The following SPOCK1 variants were observed in gnomAD, a reference collection of about 807,000 sequenced individuals.
The protein encoded by SPOCK1 is testican-1.
Under a neutral mutation model 55.3 loss-of-function variants are expected in SPOCK1, and 23 were observed. The observed-to-expected ratio is 0.42, with a 90% CI of 0.30 to 0.59. The LOEUF (loss-of-function observed/expected upper bound fraction) is 0.59. SPOCK1 is among the 20% of genes least tolerant of loss of function. SPOCK1 has a pLI of 0.22. For synonymous variants in SPOCK1, 226 were observed against 221.0 expected (o/e 1.02, Z -0.20); for missense variants, 499 against 552.5 (o/e 0.90, Z 0.97).
At chr5:137,358,518 G>C (rs1487930414) in intron 2 of SPOCK1, among the ~76,000 whole-genome samples, 3 of 149,536 alleles carry the variant, frequency 2.0e-5, no homozygotes, top group African/African-American at 7.4e-5. Context: ...GAAGGGAGGA[G>C]GTGGAGGAGT....
intron 2 of SPOCK1, among the ~76,000 whole-genome samples, chr5:137,366,434 T>C (rs1405771102): frequency 6.6e-6 from 1 of 152,214 alleles, no homozygotes; most frequent in African/African-American, 2.4e-5. Flanking sequence ...GCAAGTGTTA[T>C]CTTCATTTTT....
At chr5:137,203,360 G>C (rs1213600915) in intron 3 of SPOCK1, among the ~76,000 whole-genome samples, 1 of 152,016 alleles carries the variant, frequency 6.6e-6, no homozygotes, top group East Asian at 1.9e-4. Context: ...GTTCACGAGA[G>C]CTTCAGCATC....
intron 2 of SPOCK1, among the ~76,000 whole-genome samples, chr5:137,414,755 G>A (rs556463484): frequency 3.9e-5 from 6 of 152,136 alleles, no homozygotes; most frequent in African/African-American, 1.4e-4. Context: ...GTTTCTGGAA[G>A]GTATTAAAAA....
chr5:137,114,367 C>A (rs1753538631), intron 4 of SPOCK1, among the ~76,000 whole-genome samples: 1 of 152,166 alleles, frequency 6.6e-6, no homozygotes, highest in Admixed American at 6.5e-5. Flanking sequence ...ATGTGTCTCT[C>A]TTCTTTAGCC....
intron 2 of SPOCK1, among the ~76,000 whole-genome samples, chr5:137,339,841 G>T (rs1001178972): frequency 1.3e-5 from 2 of 152,138 alleles, no homozygotes; most frequent in Non-Finnish European, 2.9e-5. Context: ...AAGTGGCTGG[G>T]CCTGAAAGCA....
At chr5:137,322,550 G>GTA (rs1757999242) in intron 2 of SPOCK1, among the ~76,000 whole-genome samples, 1 of 152,108 alleles carries the variant, frequency 6.6e-6, no homozygotes, top group Admixed American at 6.6e-5. Context: ...ACAAAACAGA[G>GTA]GGGAGAAGTC....
chr5:136,976,837 G>A lies in SPOCK1; in HGVS notation c.*1817C>T, dbSNP rs1033948533. On this transcript the variant is annotated 3_prime_UTR_variant, in exon 11 of 11. Transcript: ENST00000394945. ...ATTTCTTATCTAAGACCAACTATAG[G>A]TATGATGCTACTGTATTCAGGCAAT... is the stretch of plus-strand genomic sequence containing the variant. The A allele has an allele frequency of 5.3e-5, 8 of 152,210 alleles. No homozygotes were observed. Among genetic ancestry groups the A allele is most frequent in the African/African-American group, 1.9e-4 (8 of 41,456 alleles). 9.4% of individuals were successfully genotyped at this position (152,210 alleles called of 1,614,324 possible). A position where few individuals can be genotyped will look rare whatever the true frequency, so the allele number is the denominator to read the frequency against.
chr5:137,022,037 A>G (rs571846712), intron 6 of SPOCK1, among the ~76,000 whole-genome samples: 1 of 152,270 alleles, frequency 6.6e-6, no homozygotes, highest in African/African-American at 2.4e-5. Flanking sequence ...GAGAGATGGC[A>G]TCTCTCTGTC....
intron 6 of SPOCK1, among the ~76,000 whole-genome samples, chr5:136,998,167 T>C (rs1244368788): frequency 1.3e-5 from 2 of 152,188 alleles, no homozygotes; most frequent in African/African-American, 2.4e-5. Context: ...GTTAGAATTG[T>C]ATTGTTGTGC....
intron 2 of SPOCK1, among the ~76,000 whole-genome samples, chr5:137,373,341 A>G (rs1333722434): frequency 6.6e-6 from 1 of 152,208 alleles, no homozygotes; most frequent in African/African-American, 2.4e-5. Context: ...GAGAATACCT[A>G]GAGTTTAAAA....
rs533881127 is a variant in SPOCK1 at position 137,274,324 on chromosome 5, T to C, written c.187-7269A>G. On this transcript the variant is annotated intron_variant, in intron 2 of 10. Transcript: ENST00000394945. ...ACCAAGGAGTTAAAGTCAGAGAAGA[T>C]ACTGTAAACATGGCAGGCTTTGAAG... Among the ~76,000 whole-genome samples the C allele has an allele frequency of 2.7e-4, 41 of 152,342 alleles. 1 individual carries two copies. In the South Asian group the frequency reaches 8.1e-3, roughly 30 times the overall value.
At chr5:137,058,621 A>T (rs1423114735) in intron 6 of SPOCK1, among the ~76,000 whole-genome samples, 1 of 152,242 alleles carries the variant, frequency 6.6e-6, no homozygotes, top group East Asian at 1.9e-4. Context: ...CAATAAAGAA[A>T]AAAGGTAAGC....
At chr5:137,169,818 C>G (rs1754715257) in intron 3 of SPOCK1, among the ~76,000 whole-genome samples, 1 of 152,184 alleles carries the variant, frequency 6.6e-6, no homozygotes, top group African/African-American at 2.4e-5. Context: ...GAGCATGTGG[C>G]TAGGACACAG....
At chr5:137,477,334 G>A (rs914035111) in intron 2 of SPOCK1, among the ~76,000 whole-genome samples, 2 of 152,198 alleles carry the variant, frequency 1.3e-5, no homozygotes, top group African/African-American at 4.8e-5. Flanking sequence ...TTCTCAAAAA[G>A]TGAGGCTTTA....
At chr5:137,459,584 C>T (rs375710323) in intron 2 of SPOCK1, among the ~76,000 whole-genome samples, 7 of 152,006 alleles carry the variant, frequency 4.6e-5, no homozygotes, top group South Asian at 2.1e-4. Flanking sequence ...TCCATCTTTC[C>T]GGACTATTTC....
chr5:136,978,584 A>C lies in SPOCK1; in HGVS notation c.*70T>G. 6.6e-7 allele frequency: 1 copy of C among 1,512,386 alleles called. No individual in the cohort carries two copies. Among genetic ancestry groups the C allele is most frequent in the Non-Finnish European group, 8.9e-7 (1 of 1,122,434 alleles). The allele number at this position is 1,512,386 out of a possible 1,614,324, so 93.7% of individuals were successfully genotyped here. A position where few individuals can be genotyped will look rare whatever the true frequency, so the allele number is the denominator to read the frequency against. ...AGAGACCTTGGTGCCTTGGAGTCTT[A>C]GATACAAATGCAGGAATAGGAAGTG... On this transcript the variant is annotated 3_prime_UTR_variant, in exon 11 of 11. Coordinates refer to ENST00000394945, the MANE Select transcript of SPOCK1 (RefSeq NM_004598.4).
Position 137,193,877 on chromosome 5 carries a change from G to A in SPOCK1, c.233-53183C>T, listed in dbSNP as rs193223825. On this transcript the variant is annotated intron_variant, in intron 3 of 10. Coordinates refer to ENST00000394945, the MANE Select transcript of SPOCK1 (RefSeq NM_004598.4). ...TAACATGGAGGGCTATAGGTACAGG[G>A]TGCCGGTAATTTATTTCCCCTTTAA... 2.8e-3 allele frequency among the ~76,000 whole-genome samples: 421 copies of A among 152,276 alleles called. 3 individuals are homozygous for A. Among genetic ancestry groups the A allele is most frequent in the Non-Finnish European group, 2.6e-3 (179 of 68,036 alleles).
At chr5:137,393,226 GC>G (rs1410757485) in intron 2 of SPOCK1, among the ~76,000 whole-genome samples, 1 of 152,142 alleles carries the variant, frequency 6.6e-6, no homozygotes, top group Non-Finnish European at 1.5e-5. Flanking sequence ...ATGTCACCTT[GC>G]AGAGGGCTTA....
chr5:137,276,852 C>T lies in SPOCK1; in HGVS notation c.187-9797G>A, dbSNP rs186073031. 1.1e-3 allele frequency among the ~76,000 whole-genome samples: 171 copies of T among 152,270 alleles called. 4 individuals carry two copies. In the Middle Eastern group the frequency reaches 0.014, roughly 12 times the overall value. On this transcript the variant is annotated intron_variant, in intron 2 of 10. Transcript: ENST00000394945. The stretch of plus-strand genomic sequence containing the variant: ...GCCCAATGGCCCCACCCCACATCTA[C>T]TAATGCCCTGAGTCTCCTCAGGGAC...
Sources: gnomAD v4.1 joint callset for allele counts (sites outside exome capture counted in the v4.1 genomes callset) on GRCh38, gnomAD v4.1.1 for gene constraint, MANE v1.5 for transcripts, NCBI Gene and HGNC (gene_info 2026-07-23, HGNC 2026-07-21) for gene names.